The following ADAMTS12 variants were observed in gnomAD, a reference collection of about 807,000 sequenced individuals.
ADAMTS12 encodes A disintegrin and metalloproteinase with thrombospondin motifs 12.
In ADAMTS12, 118 loss-of-function variants were observed where a neutral mutation model predicts 167.8. The observed-to-expected ratio is 0.70, with a 90% CI of 0.61 to 0.82. The LOEUF (loss-of-function observed/expected upper bound fraction) is 0.82, where lower values mean the gene tolerates loss of function less well. Among genes scored for constraint, ADAMTS12 ranks in the 40% least tolerant of loss-of-function variants. ADAMTS12 has a pLI of 0.00. For synonymous variants in ADAMTS12, 704 were observed against 716.9 expected (o/e 0.98, Z 0.29); for missense variants, 1,916 against 1,998.8 (o/e 0.96, Z 0.79).
intron 17 of ADAMTS12, among the ~76,000 whole-genome samples, chr5:33,590,274 G>A (rs975339231): frequency 1.3e-5 from 2 of 152,200 alleles, no homozygotes; most frequent in South Asian, 4.1e-4. Context: ...TCTTCTTGGA[G>A]TTTTCTCTAC....
At chr5:33,682,594 G>C (rs1742165456) in intron 5 of ADAMTS12, among the ~76,000 whole-genome samples, 1 of 152,116 alleles carries the variant, frequency 6.6e-6, no homozygotes, top group African/African-American at 2.4e-5. Context: ...TAAACGTGCA[G>C]ATAGACAAGA....
rs1054811552 is a variant in ADAMTS12, at chr5:33,528,500, A to G, written c.4607-1134T>C. ...GGGTGCTTTGCTATGCAGTATTGCT[A>G]TGGAAATAGTTGAATGCAGTGTCTT... On this transcript the variant is annotated intron_variant, in intron 23 of 23. Transcript: ENST00000504830. 2.0e-5 allele frequency among the ~76,000 whole-genome samples: 3 copies of G among 152,238 alleles called. No homozygotes were observed. The South Asian group carries it at 6.2e-4, about 31-fold the overall frequency.
chr5:33,844,423 A>T (rs1748865105), intron 2 of ADAMTS12, among the ~76,000 whole-genome samples: 2 of 152,208 alleles, frequency 1.3e-5, no homozygotes, highest in South Asian at 4.1e-4. Context: ...CCCTGAGGGT[A>T]GGCCTCTAAA....
At chr5:33,723,787 A>C (rs1320950194) in intron 3 of ADAMTS12, among the ~76,000 whole-genome samples, 2 of 152,150 alleles carry the variant, frequency 1.3e-5, no homozygotes, top group Non-Finnish European at 2.9e-5. Context: ...TGACCTGTGC[A>C]TGGATGTGCC....
rs541457180 is a variant in ADAMTS12, at chr5:33,792,229, C to T, written c.490-40681G>A. Among the ~76,000 whole-genome samples the T allele has an allele frequency of 1.4e-3, 217 of 152,252 alleles. 2 individuals carry two copies. Among genetic ancestry groups the T allele is most frequent in the African/African-American group, 4.8e-3 (199 of 41,534 alleles). The stretch of plus-strand genomic sequence containing the variant: ...CAGGCTGGTCTCGAACTCCTGACCT[C>T]AAGTGATCTGCCTGCCTCGGCATCC... On this transcript the variant is annotated intron_variant, in intron 2 of 23. Coordinates refer to ENST00000504830, the MANE Select transcript of ADAMTS12 (RefSeq NM_030955.4).
chr5:33,695,951 A>C (rs575402555), intron 3 of ADAMTS12, among the ~76,000 whole-genome samples: 6 of 152,332 alleles, frequency 3.9e-5, no homozygotes, highest in African/African-American at 1.4e-4. Flanking sequence ...AATTGAATAC[A>C]GATTCACCCA....
At chr5:33,817,614 A>G (rs1337979471) in intron 2 of ADAMTS12, among the ~76,000 whole-genome samples, 2 of 152,076 alleles carry the variant, frequency 1.3e-5, no homozygotes, top group East Asian at 3.9e-4. Flanking sequence ...ACTTCCCCCA[A>G]ACCACATCCT....
At chr5:33,767,761 G>C (rs1390816657) in intron 2 of ADAMTS12, among the ~76,000 whole-genome samples, 1 of 152,088 alleles carries the variant, frequency 6.6e-6, no homozygotes, top group East Asian at 1.9e-4. Flanking sequence ...GAAGAGGAGG[G>C]AGAGAAGATG....
intron 2 of ADAMTS12, among the ~76,000 whole-genome samples, chr5:33,770,309 T>C (rs1745690054): frequency 1.3e-5 from 2 of 152,170 alleles, no homozygotes; most frequent in South Asian, 4.1e-4. Context: ...ATTTCAACTT[T>C]TCTGGGATCT....
intron 2 of ADAMTS12, among the ~76,000 whole-genome samples, chr5:33,862,278 C>T (rs1265030460): frequency 6.6e-6 from 1 of 151,990 alleles, no homozygotes; most frequent in Non-Finnish European, 1.5e-5. Context: ...AGATAGACCA[C>T]CAGCCAGACT....
intron 2 of ADAMTS12, among the ~76,000 whole-genome samples, chr5:33,790,147 A>G (rs1266833749): frequency 1.3e-5 from 2 of 152,246 alleles, no homozygotes; most frequent in Non-Finnish European, 2.9e-5. Flanking sequence ...GCCAGAGTCC[A>G]CACATAGTAT....
chr5:33,617,593 C>A (rs9790941), intron 14 of ADAMTS12, among the ~76,000 whole-genome samples: 59,553 of 151,860 alleles, frequency 0.39, 12,684 homozygotes, highest in East Asian at 0.67. Flanking sequence ...TGACCACCTC[C>A]GGGAAGATAT....
At position 33,696,015 on chromosome 5, in the gene ADAMTS12, A is replaced by G. The variant is rs367571921; in HGVS notation, c.635-11960T>C. On this transcript the variant is annotated intron_variant, in intron 3 of 23. Coordinates refer to ENST00000504830, the MANE Select transcript of ADAMTS12 (RefSeq NM_030955.4). ...CGAGTCCCATAGTGTCCCTAAAGAG[A>G]CTCAATCCTTAATCACTGATTCACA... is the stretch of plus-strand genomic sequence containing the variant. Among the ~76,000 whole-genome samples, 69 of 151,976 alleles carry G rather than the reference A, an allele frequency of 4.5e-4. 1 individual carries two copies. The South Asian group carries it at 0.014, about 30-fold the overall frequency.
At chr5:33,715,312 G>C (rs1327271016) in intron 3 of ADAMTS12, among the ~76,000 whole-genome samples, 2 of 151,552 alleles carry the variant, frequency 1.3e-5, no homozygotes, top group Non-Finnish European at 2.9e-5. Context: ...TTCTGTGACA[G>C]TAAAGAGGAA....
chr5:33,848,465 C>T (rs996195941), intron 2 of ADAMTS12, among the ~76,000 whole-genome samples: 16 of 152,178 alleles, frequency 1.1e-4, no homozygotes, highest in Non-Finnish European at 2.1e-4. Context: ...AAGATCTATA[C>T]AAGATTTTAA....
intron 13 of ADAMTS12, among the ~76,000 whole-genome samples, chr5:33,630,335 A>G (rs1739861145): frequency 1.3e-5 from 2 of 152,232 alleles, no homozygotes; most frequent in Non-Finnish European, 2.9e-5. Flanking sequence ...AGAAATCAGA[A>G]ACGTGTTTTG....
intron 2 of ADAMTS12, among the ~76,000 whole-genome samples, chr5:33,754,504 C>T (rs1209901437): frequency 1.3e-5 from 2 of 152,158 alleles, no homozygotes; most frequent in South Asian, 4.1e-4. Flanking sequence ...CTGCATACTG[C>T]TAACTGTCTT....
At chr5:33,714,688 T>C (rs1425106205) in intron 3 of ADAMTS12, among the ~76,000 whole-genome samples, 1 of 152,032 alleles carries the variant, frequency 6.6e-6, no homozygotes, top group Non-Finnish European at 1.5e-5. Context: ...TTAAGTGAAA[T>C]AATCCAGCAC....
intron 2 of ADAMTS12, among the ~76,000 whole-genome samples, chr5:33,802,088 G>A (rs1747034560): frequency 6.6e-6 from 1 of 152,206 alleles, no homozygotes; most frequent in African/African-American, 2.4e-5. Context: ...ACAGTGAGAA[G>A]GCACTATCTA....
Sources: allele counts gnomAD v4.1 joint callset (sites outside exome capture counted in the v4.1 genomes callset), GRCh38; gene constraint gnomAD v4.1.1; transcripts MANE v1.5; gene names NCBI Gene and HGNC (gene_info 2026-07-23, HGNC 2026-07-21).